GPC6: variants seen among roughly 807,000 people sequenced by gnomAD.
GPC6 encodes glypican-6.
Under a neutral mutation model 55.2 loss-of-function variants are expected in GPC6, and 14 were observed. The observed-to-expected ratio is 0.25, with a 90% CI of 0.17 to 0.40. The LOEUF (loss-of-function observed/expected upper bound fraction) is 0.40, where lower values mean the gene tolerates loss of function less well. Among genes scored for constraint, GPC6 ranks in the 10% least tolerant of loss-of-function variants. The pLI is 1.00. For missense variants in GPC6, 641 were observed against 708.5 expected, an observed-to-expected ratio of 0.90 and a Z score of 1.08; for synonymous variants, 278 against 259.6, an observed-to-expected ratio of 1.07 and a Z score of -0.68.
At chr13:93,758,698 A>G (rs985541206) in intron 2 of GPC6, among the ~76,000 whole-genome samples, 17 of 151,260 alleles carry the variant, frequency 1.1e-4, no homozygotes, top group Admixed American at 4.0e-4. Context: ...CTTTTTGAGC[A>G]TGAAAGGGTC....
intron 2 of GPC6, among the ~76,000 whole-genome samples, chr13:93,802,460 C>G (rs1333067923): frequency 6.6e-6 from 1 of 151,714 alleles, no homozygotes; most frequent in Non-Finnish European, 1.5e-5. Context: ...TACAGTGGCA[C>G]AATCATAACA....
At chr13:94,119,890 T>G (rs1313360275) in intron 4 of GPC6, among the ~76,000 whole-genome samples, 1 of 152,110 alleles carries the variant, frequency 6.6e-6, no homozygotes, top group Admixed American at 6.6e-5. Context: ...AGCAGGACGT[T>G]GCTGAATGTG....
At chr13:94,010,639 A>C (rs931065429) in intron 3 of GPC6, among the ~76,000 whole-genome samples, 6 of 152,178 alleles carry the variant, frequency 3.9e-5, no homozygotes, top group African/African-American at 1.4e-4. Context: ...ATTTAATATC[A>C]GTGTTTGTGC....
chr13:93,353,852 C>T (rs1880726005), intron 1 of GPC6, among the ~76,000 whole-genome samples: 1 of 152,170 alleles, frequency 6.6e-6, no homozygotes, highest in South Asian at 2.1e-4. Context: ...TTCACTTTCC[C>T]TGCTGTACTT....
chr13:93,908,193 A>G (rs1371312635), intron 3 of GPC6, among the ~76,000 whole-genome samples: 1 of 152,180 alleles, frequency 6.6e-6, no homozygotes, highest in Non-Finnish European at 1.5e-5. Flanking sequence ...CTAAAGGTAA[A>G]GGCAGATTAA....
intron 2 of GPC6, among the ~76,000 whole-genome samples, chr13:93,748,043 T>C (rs991751992): frequency 1.3e-4 from 20 of 152,272 alleles, no homozygotes; most frequent in Non-Finnish European, 1.9e-4. Context: ...TCGATGAAAA[T>C]ATGATGTTGT....
At chr13:93,424,847 T>C (rs946348279) in intron 1 of GPC6, among the ~76,000 whole-genome samples, 4 of 152,132 alleles carry the variant, frequency 2.6e-5, no homozygotes, top group African/African-American at 4.8e-5. Flanking sequence ...CGTAGATTAT[T>C]TGGAAACAGG....
chr13:93,915,629 G>A (rs1877249356), intron 3 of GPC6, among the ~76,000 whole-genome samples: 1 of 152,162 alleles, frequency 6.6e-6, no homozygotes, highest in African/African-American at 2.4e-5. Context: ...TGTATTCTGA[G>A]CAACCAGCTG....
intron 2 of GPC6, among the ~76,000 whole-genome samples, chr13:93,690,083 A>C (rs911315954): frequency 3.3e-5 from 5 of 152,126 alleles, no homozygotes; most frequent in African/African-American, 1.2e-4. Context: ...GTAACTGATG[A>C]TTGCACTTTG....
intron 4 of GPC6, among the ~76,000 whole-genome samples, chr13:94,127,207 T>A (rs893745354): frequency 1.3e-4 from 20 of 152,012 alleles, no homozygotes; most frequent in African/African-American, 4.8e-4. Context: ...TCCATGTACA[T>A]GGTTGATAGA....
chr13:93,991,475 T>C (rs1447359538), intron 3 of GPC6, among the ~76,000 whole-genome samples: 1 of 152,188 alleles, frequency 6.6e-6, no homozygotes, highest in African/African-American at 2.4e-5. Flanking sequence ...TAAATTATTT[T>C]ACAACTTTAT....
chr13:93,666,755 T>G (rs1881153090), intron 2 of GPC6, among the ~76,000 whole-genome samples: 3 of 152,200 alleles, frequency 2.0e-5, no homozygotes, highest in African/African-American at 7.2e-5. Flanking sequence ...ATCAGCATTG[T>G]GTTAAAAGGA....
At chr13:94,274,750 C>CTTT (rs34886785) in intron 4 of GPC6, among the ~76,000 whole-genome samples, 4 of 148,206 alleles carry the variant, frequency 2.7e-5, no homozygotes, top group African/African-American at 9.9e-5. Flanking sequence ...ATATCAACAT[C>CTTT]TTTTTTTTTT....
chr13:94,051,621 G>A (rs1213468404), intron 4 of GPC6, among the ~76,000 whole-genome samples: 5 of 152,204 alleles, frequency 3.3e-5, no homozygotes, highest in African/African-American at 1.2e-4. Context: ...AAAGTGTAAA[G>A]AGATATTCTT....
intron 4 of GPC6, among the ~76,000 whole-genome samples, chr13:94,215,966 T>A (rs1403680006): frequency 6.7e-6 from 1 of 148,740 alleles, no homozygotes; most frequent in East Asian, 2.0e-4. Flanking sequence ...GATATGAGGC[T>A]GCGTATTTCA....
intron 6 of GPC6, among the ~76,000 whole-genome samples, chr13:94,334,064 A>C (rs1396556479): frequency 6.6e-6 from 1 of 152,236 alleles, no homozygotes; most frequent in Non-Finnish European, 1.5e-5. Flanking sequence ...AGATTTGGAA[A>C]GATATATTGA....
Position 93,830,138 on chromosome 13 carries a change from T to C in GPC6, c.320-16T>C. 6.2e-7 allele frequency: 1 copy of C among 1,602,442 alleles called. No homozygotes were observed. The highest frequency in any genetic ancestry group is 8.5e-7 in the Non-Finnish European group (1 of 1,173,064). On this transcript the variant is annotated splice_polypyrimidine_tract_variant and intron_variant, in intron 2 of 8. Transcript: ENST00000377047. The stretch of plus-strand genomic sequence containing the variant: ...AGATTTCATTAATTTATGACTTCTT[T>C]CTGTTTTATCTGCAGAATTTTTCCG...
chr13:93,507,882 A>C (rs932582985), intron 1 of GPC6, among the ~76,000 whole-genome samples: 3 of 150,346 alleles, frequency 2.0e-5, no homozygotes, highest in Non-Finnish European at 4.4e-5. Context: ...AAGCATATGA[A>C]AAAAAAAAAG....
intron 2 of GPC6, among the ~76,000 whole-genome samples, chr13:93,619,230 G>T (rs1459651555): frequency 6.6e-6 from 1 of 152,146 alleles, no homozygotes; most frequent in African/African-American, 2.4e-5. Flanking sequence ...ATAGGTAGAT[G>T]AGTTCAGTGA....
Sources: allele counts gnomAD v4.1 joint callset (sites outside exome capture counted in the v4.1 genomes callset), GRCh38; gene constraint gnomAD v4.1.1; transcripts MANE v1.5; gene names NCBI Gene and HGNC (gene_info 2026-07-23, HGNC 2026-07-21).